Variants in MINDY2 observed in about 807,000 individuals in gnomAD.
The protein encoded by MINDY2 is MINDY lysine 48 deubiquitinase 2, also known as ubiquitin carboxyl-terminal hydrolase MINDY-2.
Under a neutral mutation model 68.2 loss-of-function variants are expected in MINDY2, and 52 were observed. The observed-to-expected ratio is 0.76, with a 90% CI of 0.61 to 0.96. The LOEUF (loss-of-function observed/expected upper bound fraction) is 0.96. Among genes scored for constraint, MINDY2 ranks in the 40% least tolerant of loss-of-function variants. The pLI, the probability that MINDY2 is intolerant of heterozygous loss-of-function variation, is 0.00. For synonymous variants in MINDY2, 372 were observed against 303.0 expected, an observed-to-expected ratio of 1.23 and a Z score of -2.36; for missense variants, 881 against 773.4, an observed-to-expected ratio of 1.14 and a Z score of -1.65.
chr15:58,828,808 G>A (rs541670823), intron 5 of MINDY2, among the ~76,000 whole-genome samples: 5 of 151,810 alleles, frequency 3.3e-5, no homozygotes, highest in South Asian at 4.2e-4. Flanking sequence ...TGATCCGCCC[G>A]CCTTCCAAAG....
intron 1 of MINDY2, among the ~76,000 whole-genome samples, chr15:58,774,169 C>CTAGAAATGCAAAGATGTACTAGTT (rs1290728871): frequency 5.3e-5 from 8 of 152,180 alleles, no homozygotes; most frequent in African/African-American, 9.7e-5. Context: ...TGGGTTCCCA[C>CTAGAAATGCAAAGATGTACTAGTT]TGTGCGTGAG....
chr15:58,782,148 G>A (rs139080301), intron 1 of MINDY2, among the ~76,000 whole-genome samples: 324 of 152,038 alleles, frequency 2.1e-3, no homozygotes, highest in African/African-American at 7.5e-3. Flanking sequence ...TGAAAAAAGC[G>A]GGTAAAGCTT....
At chr15:58,842,899 G>A (rs2032349977) in intron 6 of MINDY2, among the ~76,000 whole-genome samples, 1 of 152,076 alleles carries the variant, frequency 6.6e-6, no homozygotes, top group Non-Finnish European at 1.5e-5. Flanking sequence ...TGACTTTCAA[G>A]TCCACTTTCA....
At chr15:58,790,187 C>T (rs755007027) in intron 2 of MINDY2, among the ~76,000 whole-genome samples, 2 of 152,134 alleles carry the variant, frequency 1.3e-5, no homozygotes, top group African/African-American at 4.8e-5. Flanking sequence ...GTCTGCAAAT[C>T]GCCTTAAAAA....
chr15:58,848,882 A>G (rs2032673434), intron 7 of MINDY2, among the ~76,000 whole-genome samples: 1 of 152,182 alleles, frequency 6.6e-6, no homozygotes, highest in Non-Finnish European at 1.5e-5. Flanking sequence ...GTTAAGAGAA[A>G]TATGCGAGAT....
intron 1 of MINDY2, among the ~76,000 whole-genome samples, chr15:58,785,529 A>T (rs1250697897): frequency 1.3e-5 from 2 of 150,830 alleles, no homozygotes; most frequent in Admixed American, 1.3e-4. Flanking sequence ...GATGAGAGGG[A>T]CTGTGTTCCA....
chr15:58,798,194 G>A (rs568890402), intron 2 of MINDY2, among the ~76,000 whole-genome samples: 12 of 152,012 alleles, frequency 7.9e-5, no homozygotes, highest in African/African-American at 2.7e-4. Flanking sequence ...TTGGCTCATT[G>A]CAACCTCCGC....
intron 2 of MINDY2, among the ~76,000 whole-genome samples, chr15:58,788,531 C>G (rs1157297546): frequency 6.6e-6 from 1 of 152,150 alleles, no homozygotes. Context: ...CTCTAAGCTT[C>G]TTATTTCAAA....
chr15:58,832,009 T>C, intron 6 of MINDY2, 93 bp downstream of exon 6: 3 of 1,127,786 alleles, frequency 2.7e-6, no homozygotes, highest in Non-Finnish European at 3.6e-6. Flanking sequence ...TAAAAGATTT[T>C]AGCGTAATAT....
intron 3 of MINDY2, among the ~76,000 whole-genome samples, chr15:58,803,962 A>C (rs1333813394): frequency 1.1e-3 from 172 of 150,934 alleles, no homozygotes; most frequent in African/African-American, 3.9e-3. Context: ...AAAAAAAAAA[A>C]AAAAAAATAC....
chr15:58,774,771 A>T (rs565614361), intron 1 of MINDY2, among the ~76,000 whole-genome samples: 1 of 152,318 alleles, frequency 6.6e-6, no homozygotes, highest in African/African-American at 2.4e-5. Flanking sequence ...ACTGAAGCAG[A>T]AAAGGGTTTC....
At position 58,771,840 on chromosome 15, in the gene MINDY2, G is replaced by A; in HGVS notation, c.445G>A (p.Glu149Lys). ...AGCAGAACTGACCGCCGCCGGCTCC[G>A]AAGAGCCCAGCAGCGCCGGCGGCCT... is the stretch of plus-strand genomic sequence containing the variant. Reference protein sequence around the residue: ...CQAELTAAGSEEPSSAGGLSS... With the variant: ...CQAELTAAGSKEPSSAGGLSS... Residue 149 changes from glutamate (E) to lysine (K), a missense_variant, in exon 1 of 9, where the codon GAA becomes AAA. Transcript: ENST00000559228. The A allele has an allele frequency of 1.9e-6, 3 of 1,606,630 alleles. No individual in the cohort carries two copies. Among genetic ancestry groups the A allele is most frequent in the Non-Finnish European group, 2.5e-6 (3 of 1,177,014 alleles).
rs764398800 is a variant in MINDY2, at chr15:58,858,876, C to T, written c.*4266C>T. The T allele has an allele frequency of 1.2e-4, 18 of 152,020 alleles. No individual in the cohort carries two copies. Among genetic ancestry groups the T allele is most frequent in the African/African-American group, 3.6e-4 (15 of 41,408 alleles). The allele number at this position is 152,020 out of a possible 1,614,324, so 9.4% of individuals were successfully genotyped here. On this transcript the variant is annotated 3_prime_UTR_variant, in exon 9 of 9. Transcript: ENST00000559228. Reference sequence around the variant, plus strand: ...CTAGATCATTTTGTGTCTATAAACCCGACTTTCTATCTTGCCTTGGGCAAA... The same window carrying T: ...CTAGATCATTTTGTGTCTATAAACCTGACTTTCTATCTTGCCTTGGGCAAA...
rs374990794 is a variant in MINDY2, at chr15:58,847,442, A to G, written c.1514A>G (p.Tyr505Cys). The G allele has an allele frequency of 2.6e-5, 41 of 1,584,410 alleles. No homozygotes were observed. The highest frequency in any genetic ancestry group is 2.8e-5 in the Non-Finnish European group (32 of 1,158,312). The part of the protein sequence containing the change: ...LRPPSDPETV[Y>C]KGQQDQIDQD... ...CCTCCTTCAGATCCTGAAACTGTAT[A>G]CAAAGGACAACAAGATCAGATAGAT... is the stretch of plus-strand genomic sequence containing the variant. The change falls in exon 7 of 9, where the codon TAC (tyrosine) becomes TGC (cysteine). Residue 505 changes from tyrosine (Y) to cysteine (C), a missense_variant. Transcript: ENST00000559228.
chr15:58,807,157 C>T (rs1354709205), intron 3 of MINDY2, among the ~76,000 whole-genome samples: 2 of 152,034 alleles, frequency 1.3e-5, no homozygotes, highest in Non-Finnish European at 2.9e-5. Flanking sequence ...TATTATCAAA[C>T]CCCTCTACAA....
chr15:58,811,276 C>T (rs1261317156), intron 4 of MINDY2, among the ~76,000 whole-genome samples: 1 of 152,188 alleles, frequency 6.6e-6, no homozygotes, highest in Non-Finnish European at 1.5e-5. Context: ...CCCATATATC[C>T]ATCACTCTAA....
intron 7 of MINDY2, 28 bp downstream of exon 7, chr15:58,847,498 G>A: frequency 6.8e-7 from 1 of 1,471,868 alleles, no homozygotes; most frequent in South Asian, 1.5e-5. Flanking sequence ...TCTTTATAGT[G>A]GTTAAAATGC....
intron 6 of MINDY2, among the ~76,000 whole-genome samples, chr15:58,838,295 G>C (rs2032102795): frequency 6.6e-6 from 1 of 151,912 alleles, no homozygotes; most frequent in Non-Finnish European, 1.5e-5. Flanking sequence ...CTACTCAGAA[G>C]GCTGAGACAG....
rs746463424 is a variant in MINDY2 at position 58,821,708 on chromosome 15, G to A, written c.1123-9G>A. On this transcript the variant is annotated splice_polypyrimidine_tract_variant and intron_variant, in intron 4 of 8. Coordinates refer to ENST00000559228, the MANE Select transcript of MINDY2 (RefSeq NM_001040450.3). ...ACCATGATTAGTGAGACAGTCATTT[G>A]TTTTCTAGATTGATGACATTGTAAA... 5 of 1,530,780 alleles carry A rather than the reference G, an allele frequency of 3.3e-6. No homozygotes were observed. In the Admixed American group the frequency reaches 8.9e-5, roughly 27 times the overall value. 94.8% of individuals were successfully genotyped at this position (1,530,780 alleles called of 1,614,324 possible).
Sources: allele counts gnomAD v4.1 joint callset (sites outside exome capture counted in the v4.1 genomes callset), GRCh38; gene constraint gnomAD v4.1.1; transcripts MANE v1.5; gene names NCBI Gene and HGNC (gene_info 2026-07-23, HGNC 2026-07-21).